The following DLG2 variants were observed in gnomAD, a reference collection of about 807,000 sequenced individuals.
DLG2 encodes disks large homolog 2.
In DLG2, 45 loss-of-function variants were observed where a neutral mutation model predicts 132.5. The ratio of observed to expected loss-of-function variants is 0.34; its 90% CI spans 0.27 to 0.44. The LOEUF (loss-of-function observed/expected upper bound fraction) is 0.44, where lower values mean the gene tolerates loss of function less well. Ranked by LOEUF, DLG2 falls within the 20% of genes least tolerant of loss-of-function variation. DLG2 has a pLI of 1.00. For synonymous variants in DLG2, 424 were observed against 419.6 expected, an observed-to-expected ratio of 1.01 and a Z score of -0.13; for missense variants, 1,045 against 1,196.9, an observed-to-expected ratio of 0.87 and a Z score of 1.87.
chr11:85,525,984 AG>A (rs1371054517), intron 3 of DLG2, among the ~76,000 whole-genome samples: 1 of 152,202 alleles, frequency 6.6e-6, no homozygotes, highest in Non-Finnish European at 1.5e-5. Flanking sequence ...ACCACCCAAA[AG>A]GATTAGAGAA....
chr11:84,080,851 G>A (rs2096891427), intron 10 of DLG2, among the ~76,000 whole-genome samples: 1 of 151,922 alleles, frequency 6.6e-6, no homozygotes, highest in African/African-American at 2.4e-5. Context: ...AATTAGCTGG[G>A]CGTGGTGGCG....
intron 4 of DLG2, among the ~76,000 whole-genome samples, chr11:85,176,163 C>G (rs1304400516): frequency 6.6e-6 from 1 of 152,228 alleles, no homozygotes; most frequent in Non-Finnish European, 1.5e-5. Context: ...CAACACAATC[C>G]TACGCAAAAA....
At chr11:84,439,505 T>C (rs1292400782) in intron 7 of DLG2, among the ~76,000 whole-genome samples, 2 of 152,190 alleles carry the variant, frequency 1.3e-5, no homozygotes, top group African/African-American at 4.8e-5. Flanking sequence ...TTTTGCTCTA[T>C]GCTCCTACAA....
At chr11:85,220,909 T>C (rs2074594284) in intron 4 of DLG2, among the ~76,000 whole-genome samples, 1 of 152,132 alleles carries the variant, frequency 6.6e-6, no homozygotes, top group Non-Finnish European at 1.5e-5. Context: ...TCAAACTATT[T>C]TATTTAAACA....
At chr11:84,962,171 T>C (rs1446265759) in intron 6 of DLG2, among the ~76,000 whole-genome samples, 1 of 152,210 alleles carries the variant, frequency 6.6e-6, no homozygotes, top group South Asian at 2.1e-4. Context: ...TTAACTACCA[T>C]TTACAGATAG....
At chr11:84,641,998 G>T (rs1286067953) in intron 6 of DLG2, among the ~76,000 whole-genome samples, 2 of 139,994 alleles carry the variant, frequency 1.4e-5, no homozygotes, top group East Asian at 2.1e-4. Context: ...TGTGTGTGTG[G>T]ATATGTTTTA....
intron 7 of DLG2, among the ~76,000 whole-genome samples, chr11:84,400,966 C>T (rs1174555515): frequency 1.3e-5 from 2 of 152,140 alleles, no homozygotes; most frequent in Admixed American, 1.3e-4. Flanking sequence ...CCTCCTCCTC[C>T]TCCTCCCCCT....
At chr11:84,893,320 T>G (rs976490408) in intron 6 of DLG2, among the ~76,000 whole-genome samples, 1 of 152,166 alleles carries the variant, frequency 6.6e-6, no homozygotes, top group African/African-American at 2.4e-5. Context: ...CCTAGATATG[T>G]GCCTAATTCA....
chr11:85,108,980 C>T (rs1002090824), intron 6 of DLG2, among the ~76,000 whole-genome samples: 1 of 152,070 alleles, frequency 6.6e-6, no homozygotes, highest in African/African-American at 2.4e-5. Flanking sequence ...ATAACTTTTT[C>T]CAAACTGTTC....
intron 6 of DLG2, among the ~76,000 whole-genome samples, chr11:84,626,326 G>A (rs2099622445): frequency 6.6e-6 from 1 of 152,142 alleles, no homozygotes; most frequent in African/African-American, 2.4e-5. Flanking sequence ...TTTACTTCAA[G>A]ACACAACACT....
intron 12 of DLG2, among the ~76,000 whole-genome samples, chr11:83,974,552 A>G (rs1234585006): frequency 6.6e-6 from 1 of 152,082 alleles, no homozygotes; most frequent in Admixed American, 6.6e-5. Context: ...GCAGGACTTC[A>G]CAGAATTTTT....
intron 7 of DLG2, among the ~76,000 whole-genome samples, chr11:84,376,825 A>G (rs1262291307): frequency 6.6e-6 from 1 of 152,060 alleles, no homozygotes; most frequent in East Asian, 1.9e-4. Flanking sequence ...ACTGAGCATC[A>G]GAGTCATCTA....
intron 6 of DLG2, among the ~76,000 whole-genome samples, chr11:84,928,978 GTGTGTATATATATATATATA>G (rs1327660365): frequency 3.0e-4 from 9 of 29,852 alleles, no homozygotes; most frequent in African/African-American, 8.4e-4. Context: ...GTGTGTGTGT[GTGTGTATATATATATATATA>G]TATATATATA....
intron 3 of DLG2, among the ~76,000 whole-genome samples, chr11:85,499,684 G>A (rs1201165586): frequency 6.6e-6 from 1 of 152,142 alleles, no homozygotes; most frequent in African/African-American, 2.4e-5. Flanking sequence ...GAATATTGAC[G>A]TGAAAATCCT....
intron 6 of DLG2, among the ~76,000 whole-genome samples, chr11:85,086,613 G>T (rs927160684): frequency 1.1e-4 from 16 of 152,100 alleles, no homozygotes; most frequent in African/African-American, 3.4e-4. Context: ...AAACAATTCA[G>T]TTAAGCTAAA....
intron 8 of DLG2, among the ~76,000 whole-genome samples, chr11:84,219,536 C>T (rs184595106): frequency 6.6e-5 from 10 of 152,286 alleles, no homozygotes; most frequent in African/African-American, 1.9e-4. Context: ...GGTAAATTCG[C>T]ATGAAATTGT....
chr11:84,078,226 A>G (rs1733855300), intron 10 of DLG2, among the ~76,000 whole-genome samples: 2 of 152,176 alleles, frequency 1.3e-5, no homozygotes, highest in African/African-American at 4.8e-5. Flanking sequence ...TGTATATGTA[A>G]GTGATCAGAA....
At chr11:85,053,632 CAAAAAAAA>C (rs574119257) in intron 6 of DLG2, among the ~76,000 whole-genome samples, 1 of 91,180 alleles carries the variant, frequency 1.1e-5, no homozygotes, top group Admixed American at 1.1e-4. Flanking sequence ...ACTAAAAATA[CAAAAAAAA>C]AAAAAAAAAA....
intron 10 of DLG2, among the ~76,000 whole-genome samples, chr11:84,067,592 G>A (rs959292049): frequency 4.0e-5 from 6 of 150,354 alleles, no homozygotes; most frequent in African/African-American, 1.5e-4. Flanking sequence ...ACAAACACAG[G>A]CTGACTCAAA....
Sources: gnomAD v4.1 joint callset for allele counts (sites outside exome capture counted in the v4.1 genomes callset) on GRCh38, gnomAD v4.1.1 for gene constraint, MANE v1.5 for transcripts, NCBI Gene and HGNC (gene_info 2026-07-23, HGNC 2026-07-21) for gene names.